ELFN1: variants seen among roughly 807,000 people sequenced by gnomAD.
The protein encoded by ELFN1 is extracellular leucine rich repeat and fibronectin type III domain containing 1, also known as protein ELFN1.
Under a neutral mutation model 7.6 loss-of-function variants are expected in ELFN1, and 6 were observed. That is an observed-to-expected ratio of 0.79 (90% CI 0.43 to 1.56). The LOEUF (loss-of-function observed/expected upper bound fraction) is 1.56. ELFN1 is among the 40% of genes most tolerant of loss of function. The probability of loss-of-function intolerance (pLI) is 0.01; values close to 1 mark genes in which losing one functional copy is unlikely to be tolerated. For missense variants in ELFN1, 1,169 were observed against 1,232.2 expected (o/e 0.95, Z 0.77); for synonymous variants, 657 against 588.1 (o/e 1.12, Z -1.70).
chr7:1,666,219 C>T (rs892542939), upstream of ELFN1, among the ~76,000 whole-genome samples: 7 of 152,006 alleles, frequency 4.6e-5, no homozygotes, highest in South Asian at 2.1e-4. The surrounding 1 kb of genome is among the most constrained non-coding windows in gnomAD (Gnocchi z 7.9). Context: ...CGGGGGACCC[C>T]TCTGTCGCCG....
chr7:1,667,604 G>T (rs1184960698), upstream of ELFN1, among the ~76,000 whole-genome samples: 2 of 152,152 alleles, frequency 1.3e-5, no homozygotes, highest in Non-Finnish European at 2.9e-5. This position sits in a 1 kb window ranked among gnomAD's most constrained non-coding sequence, Gnocchi z 8.2. Flanking sequence ...GGGGGACGGG[G>T]AATACGGAGT....
At chr7:1,727,533 C>T (rs1441628069) in intron 3 of ELFN1, among the ~76,000 whole-genome samples, 3 of 152,164 alleles carry the variant, frequency 2.0e-5, no homozygotes, top group Non-Finnish European at 4.4e-5. Context: ...GCTGTCTCCC[C>T]AGCCCCACTC....
chr7:1,680,892 C>T (rs1258248057), intron 1 of ELFN1, among the ~76,000 whole-genome samples: 1 of 152,088 alleles, frequency 6.6e-6, no homozygotes, highest in African/African-American at 2.4e-5. Flanking sequence ...CAGGCGCCCA[C>T]CACCATGCCT....
intron 3 of ELFN1, among the ~76,000 whole-genome samples, chr7:1,737,086 C>T (rs1404674731): frequency 6.6e-6 from 1 of 152,170 alleles, no homozygotes; most frequent in Non-Finnish European, 1.5e-5. Context: ...GAGGGGCCTC[C>T]TGCCTTCATG....
chr7:1,714,333 C>A (rs1329260379), intron 3 of ELFN1, among the ~76,000 whole-genome samples: 3 of 152,218 alleles, frequency 2.0e-5, no homozygotes, highest in Admixed American at 2.0e-4. Context: ...GACAGACTGT[C>A]CTTCAAAGCA....
rs375131305 is a variant in ELFN1, at chr7:1,744,674, C to T, written c.78C>T (p.Arg26=). ...TGCTGCACGCTGGCGGCCTGGCCCG[C>T]GCAGACTGCTGGCTGATCGAGGGCG... ...ATLLHAGGLA[R]ADCWLIEGDK... The change falls in exon 4 of 4, where the codon CGC becomes CGT. Residue 26 remains arginine, a synonymous_variant. Transcript: ENST00000424383. 40 of 1,550,846 alleles carry T rather than the reference C, an allele frequency of 2.6e-5. No individual in the cohort carries two copies. Among genetic ancestry groups the T allele is most frequent in the African/African-American group, 5.5e-5 (4 of 72,948 alleles).
At chr7:1,667,649 C>T (rs1000021918), upstream of ELFN1, among the ~76,000 whole-genome samples, 39 of 152,300 alleles carry the variant, frequency 2.6e-4, no homozygotes, top group African/African-American at 8.9e-4. This position sits in a 1 kb window ranked among gnomAD's most constrained non-coding sequence, Gnocchi z 8.2. Flanking sequence ...AGAGCCCAGC[C>T]CTCAGGCAGC....
chr7:1,700,831 C>T (rs1408298822), intron 2 of ELFN1, among the ~76,000 whole-genome samples: 1 of 152,230 alleles, frequency 6.6e-6, no homozygotes, highest in African/African-American at 2.4e-5. Flanking sequence ...TCTTACCAAG[C>T]TTTCATTTGA....
intron 3 of ELFN1, among the ~76,000 whole-genome samples, chr7:1,734,029 C>T (rs1780379322): frequency 6.6e-6 from 1 of 152,158 alleles, no homozygotes; most frequent in African/African-American, 2.4e-5. Context: ...CAGGGTACTA[C>T]TAGGAAGAGA....
chr7:1,674,230 C>T (rs1006406743), intron 1 of ELFN1, among the ~76,000 whole-genome samples: 2 of 151,900 alleles, frequency 1.3e-5, no homozygotes, highest in Admixed American at 6.5e-5. Context: ...CTCCCTGCTC[C>T]GGGCCATGGG....
Position 1,747,311 on chromosome 7 carries a change from C to CACAG in ELFN1, c.*231_*232insGACA, listed in dbSNP as rs1562394541. 1.1e-5 allele frequency: 3 copies of CACAG among 283,572 alleles called. No homozygotes were observed. The highest frequency in any genetic ancestry group is 5.4e-5 in the East Asian group (1 of 18,560). The allele number at this position is 283,572 out of a possible 1,614,324, so 17.6% of individuals were successfully genotyped here. A position where few individuals can be genotyped will look rare whatever the true frequency, so the allele number is the denominator to read the frequency against. On this transcript the variant is annotated 3_prime_UTR_variant, in exon 4 of 4. Transcript: ENST00000424383. ...CCCGGGTGGCACGTGTCCACACACA[C>CACAG]ACACACACACACACACACACACACG...
chr7:1,706,553 C>T (rs1351831149), intron 2 of ELFN1, among the ~76,000 whole-genome samples: 4 of 152,244 alleles, frequency 2.6e-5, no homozygotes, highest in Admixed American at 2.0e-4. Context: ...TCTGGGCGTG[C>T]CCCCGGCCTT....
rs1471313703 is a variant in ELFN1 at position 1,673,805 on chromosome 7, C to T, written c.-549+3451C>T. Among the ~76,000 whole-genome samples the T allele has an allele frequency of 6.6e-6, 1 of 152,212 alleles. No homozygotes were observed. Among genetic ancestry groups the T allele is most frequent in the Non-Finnish European group, 1.5e-5 (1 of 68,024 alleles). Reference sequence around the variant, plus strand: ...CAGCCGGTCCATTTTCCAGAAGGGTCCAGCATCGCCCGAGGTCACACAGCA... The same window carrying T: ...CAGCCGGTCCATTTTCCAGAAGGGTTCAGCATCGCCCGAGGTCACACAGCA... On this transcript the variant is annotated intron_variant, in intron 1 of 3. Transcript: ENST00000424383. This position sits in a 1 kb window ranked among gnomAD's most constrained non-coding sequence, Gnocchi z 4.7.
At chr7:1,720,574 C>T (rs1779989049) in intron 3 of ELFN1, among the ~76,000 whole-genome samples, 1 of 152,220 alleles carries the variant, frequency 6.6e-6, no homozygotes, top group African/African-American at 2.4e-5. Flanking sequence ...GGTGGTAGAC[C>T]AGATGGCTCT....
chr7:1,724,512 GC>G (rs1780125568), intron 3 of ELFN1, among the ~76,000 whole-genome samples: 1 of 152,138 alleles, frequency 6.6e-6, no homozygotes, highest in East Asian at 1.9e-4. Context: ...AGGAGGGAAG[GC>G]TTGGATCTTG....
At chr7:1,672,182 G>C (rs868263570) in intron 1 of ELFN1, among the ~76,000 whole-genome samples, 16 of 152,216 alleles carry the variant, frequency 1.1e-4, no homozygotes, top group Non-Finnish European at 1.5e-5. Flanking sequence ...CTGAGGCCTG[G>C]TAAGTCTGGG....
intron 1 of ELFN1, among the ~76,000 whole-genome samples, chr7:1,681,140 T>A (rs971132836): frequency 6.6e-6 from 1 of 152,252 alleles, no homozygotes; most frequent in Non-Finnish European, 1.5e-5. Flanking sequence ...GTGTCATATT[T>A]TTGAGGTTCA....
intron 3 of ELFN1, among the ~76,000 whole-genome samples, chr7:1,720,440 C>T (rs939419815): frequency 1.3e-5 from 2 of 152,226 alleles, no homozygotes; most frequent in Non-Finnish European, 2.9e-5. Flanking sequence ...AGGAATGGGT[C>T]CCCAGCCTCC....
chr7:1,713,184 C>T (rs931944081), intron 3 of ELFN1, among the ~76,000 whole-genome samples: 3 of 152,358 alleles, frequency 2.0e-5, no homozygotes, highest in South Asian at 2.1e-4. Context: ...TCTTCTCTCT[C>T]GCTTCAGCCC....
Sources: allele counts gnomAD v4.1 joint callset (sites outside exome capture counted in the v4.1 genomes callset), GRCh38; gene constraint gnomAD v4.1.1; non-coding constraint Gnocchi (gnomAD v3.1); transcripts MANE v1.5; gene names NCBI Gene and HGNC (gene_info 2026-07-23, HGNC 2026-07-21).